Variants in ERC2 observed in about 807,000 individuals in gnomAD.
ERC2 encodes the protein ERC protein 2.
ERC2 carries 42 observed loss-of-function variants against 114.8 expected under a neutral mutation model. The ratio of observed to expected loss-of-function variants is 0.37; its 90% confidence interval spans 0.29 to 0.47. The LOEUF (loss-of-function observed/expected upper bound fraction) is 0.47, where lower values mean the gene tolerates loss of function less well. ERC2 is among the 20% of genes least tolerant of loss of function. The probability of loss-of-function intolerance (pLI) is 0.99; values close to 1 mark genes in which losing one functional copy is unlikely to be tolerated. For missense variants in ERC2, 939 were observed against 1,150.7 expected, an observed-to-expected ratio of 0.82 and a Z score of 2.66; for synonymous variants, 454 against 425.5, an observed-to-expected ratio of 1.07 and a Z score of -0.82.
rs564084105 is a variant in ERC2 at position 56,350,138 on chromosome 3, T to C, written c.658-53703A>G. ...AAAGCAATATCACTGATGCTAGAAT[T>C]TGGGGGACAGGAGGTGGATATAATT... On this transcript the variant is annotated intron_variant, in intron 2 of 17. Coordinates refer to ENST00000288221, the MANE Select transcript of ERC2 (RefSeq NM_015576.3). 1.1e-4 allele frequency among the ~76,000 whole-genome samples: 16 copies of C among 152,310 alleles called. No individual in the cohort carries two copies. In the East Asian group the frequency reaches 3.1e-3, roughly 29 times the overall value.
chr3:56,411,850 C>A (rs2060952866), intron 2 of ERC2, among the ~76,000 whole-genome samples: 1 of 152,188 alleles, frequency 6.6e-6, no homozygotes, highest in Non-Finnish European at 1.5e-5. Flanking sequence ...GCTTCAGCCA[C>A]TAACTAGCTT....
intron 3 of ERC2, among the ~76,000 whole-genome samples, chr3:56,256,929 A>G (rs1482268815): frequency 6.6e-6 from 1 of 152,148 alleles, no homozygotes; most frequent in African/African-American, 2.4e-5. Context: ...TCTTTCCTTT[A>G]TAAATTACCC....
At chr3:56,272,966 C>T (rs1166810044) in intron 3 of ERC2, among the ~76,000 whole-genome samples, 1 of 152,170 alleles carries the variant, frequency 6.6e-6, no homozygotes, top group African/African-American at 2.4e-5. Context: ...GTAACTCGTC[C>T]TCATCTCTGT....
At chr3:55,678,114 AAGG>A (rs2061897418) in intron 17 of ERC2, among the ~76,000 whole-genome samples, 1 of 152,194 alleles carries the variant, frequency 6.6e-6, no homozygotes. Flanking sequence ...AGCAAAATAA[AAGG>A]AGGAAGTGGG....
At chr3:56,415,239 ATGTTAT>A (rs2061103608) in intron 2 of ERC2, among the ~76,000 whole-genome samples, 3 of 152,220 alleles carry the variant, frequency 2.0e-5, no homozygotes, top group Admixed American at 2.0e-4. Flanking sequence ...ATATTCAGGA[ATGTTAT>A]TTTAATGAGT....
At chr3:55,818,230 C>CA (rs1280261119) in intron 14 of ERC2, among the ~76,000 whole-genome samples, 5 of 152,312 alleles carry the variant, frequency 3.3e-5, no homozygotes, top group Admixed American at 6.5e-5. Flanking sequence ...GCTCCACACT[C>CA]AGAGCTGGGG....
At chr3:56,427,582 T>A (rs1289864305) in intron 2 of ERC2, among the ~76,000 whole-genome samples, 1 of 152,168 alleles carries the variant, frequency 6.6e-6, no homozygotes, top group Non-Finnish European at 1.5e-5. Context: ...ACAGAGATCA[T>A]AAATGAAGTC....
intron 17 of ERC2, among the ~76,000 whole-genome samples, chr3:55,609,901 C>G (rs755457194): frequency 7.2e-5 from 11 of 151,814 alleles, no homozygotes; most frequent in Non-Finnish European, 1.3e-4. Context: ...CTGCCTCCAC[C>G]CTGCACTTTG....
At chr3:55,959,921 C>T (rs1036556473) in intron 12 of ERC2, among the ~76,000 whole-genome samples, 5 of 152,194 alleles carry the variant, frequency 3.3e-5, no homozygotes, top group Non-Finnish European at 7.3e-5. Flanking sequence ...GCCATCTGTG[C>T]CCGCATGAAA....
At chr3:55,937,588 G>A (rs1347063177) in intron 13 of ERC2, among the ~76,000 whole-genome samples, 2 of 152,146 alleles carry the variant, frequency 1.3e-5, no homozygotes, top group African/African-American at 4.8e-5. Context: ...ACCTCCAGGG[G>A]GGTCACTGAC....
At chr3:56,444,600 G>C (rs145715818) in intron 1 of ERC2, among the ~76,000 whole-genome samples, 1 of 152,296 alleles carries the variant, frequency 6.6e-6, no homozygotes, top group Non-Finnish European at 1.5e-5. Context: ...AAGGACTCTT[G>C]AACTATAAGC....
At chr3:55,692,557 T>C (rs1452592732) in intron 16 of ERC2, among the ~76,000 whole-genome samples, 1 of 152,184 alleles carries the variant, frequency 6.6e-6, no homozygotes, top group Non-Finnish European at 1.5e-5. Context: ...GGCTCAGGTG[T>C]ATGCAGAATG....
rs772829235 is a variant in ERC2 at position 56,174,868 on chromosome 3, C to T, written c.1075-1348G>A. ...TGGCGTGTGCCTGTAATCCCAGCTA[C>T]TTGGGAGGCTGAGGCAGGAGAATCC... On this transcript the variant is annotated intron_variant, in intron 3 of 17. Transcript: ENST00000288221. 3.3e-4 allele frequency among the ~76,000 whole-genome samples: 50 copies of T among 151,872 alleles called. 1 individual carries two copies. Among genetic ancestry groups the T allele is most frequent in the Non-Finnish European group, 5.6e-4 (38 of 67,982 alleles).
At chr3:55,841,676 C>T (rs1241942415) in intron 14 of ERC2, among the ~76,000 whole-genome samples, 2 of 152,136 alleles carry the variant, frequency 1.3e-5, no homozygotes, top group Admixed American at 1.3e-4. Context: ...ATGGTTTCTA[C>T]ATTTAAAGAG....
intron 11 of ERC2, among the ~76,000 whole-genome samples, chr3:55,990,940 T>A (rs2071015488): frequency 6.6e-6 from 1 of 152,080 alleles, no homozygotes; most frequent in Admixed American, 6.5e-5. Flanking sequence ...GAAAGATTTT[T>A]AAAAATTAGC....
At chr3:56,062,713 T>C (rs1172341902) in intron 7 of ERC2, among the ~76,000 whole-genome samples, 2 of 152,080 alleles carry the variant, frequency 1.3e-5, no homozygotes, top group Non-Finnish European at 1.5e-5. Context: ...TTATCATTAG[T>C]ATACCACCAG....
chr3:55,810,239 A>C (rs1174673965), intron 14 of ERC2, among the ~76,000 whole-genome samples: 1 of 152,206 alleles, frequency 6.6e-6, no homozygotes, highest in Non-Finnish European at 1.5e-5. Context: ...ATAAGGAAAA[A>C]TAAAAACAAC....
intron 2 of ERC2, among the ~76,000 whole-genome samples, chr3:56,328,940 G>A (rs1336757614): frequency 6.6e-6 from 1 of 152,226 alleles, no homozygotes; most frequent in Non-Finnish European, 1.5e-5. Context: ...GCTTCTTGAA[G>A]GATGCAGCCA....
chr3:56,143,291 G>A (rs1377574539), intron 5 of ERC2, among the ~76,000 whole-genome samples: 5 of 152,128 alleles, frequency 3.3e-5, no homozygotes, highest in African/African-American at 1.2e-4. Flanking sequence ...CAGAGCTCAA[G>A]TTCATCTATC....
Sources: allele counts gnomAD v4.1 joint callset (sites outside exome capture counted in the v4.1 genomes callset), GRCh38; gene constraint gnomAD v4.1.1; transcripts MANE v1.5; gene names NCBI Gene and HGNC (gene_info 2026-07-23, HGNC 2026-07-21).